Variants in TMEM135 observed in about 807,000 individuals in gnomAD.
TMEM135 encodes transmembrane protein 135.
In TMEM135, 30 loss-of-function variants were observed where a neutral mutation model predicts 60.3. The observed-to-expected ratio is 0.50, with a 90% CI of 0.37 to 0.68. TMEM135 has a LOEUF of 0.68. Ranked by LOEUF, TMEM135 falls within the 30% of genes least tolerant of loss-of-function variation. TMEM135 has a pLI of 0.00. For synonymous variants in TMEM135, 190 were observed against 186.7 expected (o/e 1.02, Z -0.14); for missense variants, 468 against 548.8 (o/e 0.85, Z 1.47).
intron 5 of TMEM135, among the ~76,000 whole-genome samples, chr11:87,226,649 GCTGTA>G (rs1940769925): frequency 6.6e-6 from 1 of 152,114 alleles, no homozygotes; most frequent in Admixed American, 6.6e-5. Flanking sequence ...TAGCATATAG[GCTGTA>G]CTTCACCCAG....
chr11:87,134,332 C>T (rs1938026207), intron 4 of TMEM135, among the ~76,000 whole-genome samples: 2 of 152,150 alleles, frequency 1.3e-5, no homozygotes, highest in African/African-American at 4.8e-5. Context: ...AACTTAATTA[C>T]CTCCTTAAAG....
At position 87,167,119 on chromosome 11, in the gene TMEM135, A is replaced by G. The variant is rs544223471; in HGVS notation, c.462+9713A>G. 3.9e-5 allele frequency among the ~76,000 whole-genome samples: 6 copies of G among 151,982 alleles called. No homozygotes were observed. The East Asian group carries it at 1.2e-3, about 29-fold the overall frequency. On this transcript the variant is annotated intron_variant, in intron 5 of 14. Transcript: ENST00000305494. ...TTGGCGTTCTCTTTGTCTGTTATCAATGTGTAGGAATGCTTGTGATTTTTG... is the reference window on the plus strand; with the variant it reads ...TTGGCGTTCTCTTTGTCTGTTATCAGTGTGTAGGAATGCTTGTGATTTTTG...
Position 87,314,687 on chromosome 11 carries a change from T to C in TMEM135, c.1077+140T>C, listed in dbSNP as rs1590866523. Reference sequence around the variant, plus strand: ...AGTATTTGCAAAGTTGATTCCCCTGTGTTTTTCTTTGTGTGTGTGTTATTT... The same window carrying C: ...AGTATTTGCAAAGTTGATTCCCCTGCGTTTTTCTTTGTGTGTGTGTTATTT... On this transcript the variant is annotated intron_variant, in intron 12 of 14. Transcript: ENST00000305494. The C allele has an allele frequency of 8.7e-6, 6 of 688,994 alleles. No individual in the cohort carries two copies. In the East Asian group the frequency reaches 1.7e-4, roughly 20 times the overall value. 42.7% of individuals were successfully genotyped at this position (688,994 alleles called of 1,614,324 possible).
intron 5 of TMEM135, among the ~76,000 whole-genome samples, chr11:87,174,885 A>G (rs77556069): frequency 0.045 from 6,845 of 152,246 alleles, 233 homozygotes; most frequent in South Asian, 0.12. Context: ...TTTACTGTAT[A>G]TACAGAGACA....
At chr11:87,045,155 G>C (rs868279686) in intron 1 of TMEM135, among the ~76,000 whole-genome samples, 3 of 151,584 alleles carry the variant, frequency 2.0e-5, no homozygotes, top group South Asian at 2.1e-4. Flanking sequence ...TCAGCCTCTC[G>C]AGTAGCTTGG....
chr11:87,253,349 A>G (rs887403668), intron 6 of TMEM135, among the ~76,000 whole-genome samples: 1 of 152,154 alleles, frequency 6.6e-6, no homozygotes, highest in Non-Finnish European at 1.5e-5. Context: ...ATGGGACACA[A>G]TCATGTCAAA....
chr11:87,201,674 G>A (rs1322510731), intron 5 of TMEM135, among the ~76,000 whole-genome samples: 1 of 152,154 alleles, frequency 6.6e-6, no homozygotes, highest in Admixed American at 6.5e-5. Context: ...TGTGAAATGT[G>A]AGGAGTGAAT....
At position 87,282,401 on chromosome 11, in the gene TMEM135, AT is replaced by A. The variant is rs372003729; in HGVS notation, c.510-13379del. Reference sequence around the variant, plus strand: ...TGTCCCAGCCTCCCAAGTAGCTGAGATTACAGGCACGAGCCACCATGGCCGG... The same window carrying A: ...TGTCCCAGCCTCCCAAGTAGCTGAGATACAGGCACGAGCCACCATGGCCGG... On this transcript the variant is annotated intron_variant, in intron 6 of 14. Transcript: ENST00000305494. Among the ~76,000 whole-genome samples the A allele has an allele frequency of 5.1e-3, 781 of 152,236 alleles. 13 individuals are homozygous for A. The highest frequency in any genetic ancestry group is 0.018 in the African/African-American group (741 of 41,548).
intron 6 of TMEM135, among the ~76,000 whole-genome samples, chr11:87,264,665 A>G (rs1259534097): frequency 6.6e-6 from 1 of 151,890 alleles, no homozygotes; most frequent in East Asian, 1.9e-4. Context: ...AATCTCTACA[A>G]TGTAGTTCCA....
At chr11:87,269,656 C>G (rs936835178) in intron 6 of TMEM135, among the ~76,000 whole-genome samples, 1 of 151,414 alleles carries the variant, frequency 6.6e-6, no homozygotes, top group Non-Finnish European at 1.5e-5. Context: ...CATCCATGTC[C>G]CTACAAAGGA....
At position 87,247,661 on chromosome 11, in the gene TMEM135, G is replaced by C. The variant is rs186207692; in HGVS notation, c.509+10977G>C. ...CGTGGGCGTAGGACCCTCCGAGCCAGGTGTGGGATATAATCTCCTGGTGCG... is the reference window on the plus strand; with the variant it reads ...CGTGGGCGTAGGACCCTCCGAGCCACGTGTGGGATATAATCTCCTGGTGCG... On this transcript the variant is annotated intron_variant, in intron 6 of 14. Coordinates refer to ENST00000305494, the MANE Select transcript of TMEM135 (RefSeq NM_022918.4). Among the ~76,000 whole-genome samples, 49 of 152,306 alleles carry C rather than the reference G, an allele frequency of 3.2e-4. 1 individual carries two copies. The East Asian group carries it at 7.1e-3, about 22-fold the overall frequency.
At position 87,093,572 on chromosome 11, in the gene TMEM135, C is replaced by T. The variant is rs1857257299; in HGVS notation, c.396+2177C>T. Reference sequence around the variant, plus strand: ...TTGAGATGGAGTCTCGCTCTGTCACCCGGGCTGGAATGCAGTGGTGTGATA... The same window carrying T: ...TTGAGATGGAGTCTCGCTCTGTCACTCGGGCTGGAATGCAGTGGTGTGATA... On this transcript the variant is annotated intron_variant, in intron 4 of 14. Coordinates refer to ENST00000305494, the MANE Select transcript of TMEM135 (RefSeq NM_022918.4). Among the ~76,000 whole-genome samples the T allele has an allele frequency of 3.3e-5, 5 of 151,702 alleles. 1 individual carries two copies. In the South Asian group the frequency reaches 1.1e-3, roughly 32 times the overall value.
chr11:87,200,834 C>G (rs1470707476), intron 5 of TMEM135, among the ~76,000 whole-genome samples: 1 of 152,086 alleles, frequency 6.6e-6, no homozygotes, highest in Non-Finnish European at 1.5e-5. Context: ...CATATTTTTG[C>G]CTTTTCCAAA....
intron 4 of TMEM135, chr11:87,121,576 A>T (rs1314678699): frequency 6.6e-6 from 1 of 151,828 alleles, no homozygotes; most frequent in African/African-American, 2.4e-5. Context: ...TTTTTAAAAA[A>T]TTAGCTACAG....
intron 6 of TMEM135, among the ~76,000 whole-genome samples, chr11:87,276,195 ACT>A (rs999547839): frequency 1.4e-4 from 21 of 151,988 alleles, no homozygotes; most frequent in Non-Finnish European, 2.6e-4. Context: ...GATTTTTATA[ACT>A]CTTTTATTAT....
chr11:87,042,907 T>G (rs548411980), intron 1 of TMEM135, among the ~76,000 whole-genome samples: 4 of 152,094 alleles, frequency 2.6e-5, no homozygotes, highest in African/African-American at 9.7e-5. Context: ...GTTTTCACAA[T>G]TTGTAAAGAA....
chr11:87,182,591 T>C (rs1939545222), intron 5 of TMEM135, among the ~76,000 whole-genome samples: 2 of 152,178 alleles, frequency 1.3e-5, no homozygotes, highest in African/African-American at 2.4e-5. Flanking sequence ...ATTAAAACAA[T>C]TGACCTTAAT....
chr11:87,312,757 A>G (rs1213860492), intron 10 of TMEM135, among the ~76,000 whole-genome samples: 2 of 151,968 alleles, frequency 1.3e-5, no homozygotes, highest in Admixed American at 6.6e-5. Context: ...CTCCTGAGCC[A>G]TATAAAAACA....
At chr11:87,118,347 C>T (rs2445562) in intron 4 of TMEM135, among the ~76,000 whole-genome samples, 52,820 of 151,932 alleles carry the variant, frequency 0.35, 9,586 homozygotes, top group East Asian at 0.62. Flanking sequence ...TCATAGATGA[C>T]ATCTTCTTCC....
Sources: allele counts gnomAD v4.1 joint callset (sites outside exome capture counted in the v4.1 genomes callset), GRCh38; gene constraint gnomAD v4.1.1; transcripts MANE v1.5; gene names NCBI Gene and HGNC (gene_info 2026-07-23, HGNC 2026-07-21).